WWC1: variants seen among roughly 807,000 people sequenced by gnomAD.
WWC1 encodes WW and C2 domain containing 1, also known as protein KIBRA.
Under a neutral mutation model 138.4 loss-of-function variants are expected in WWC1, and 55 were observed. The ratio of observed to expected loss-of-function variants is 0.40; its 90% CI spans 0.32 to 0.50. The LOEUF (loss-of-function observed/expected upper bound fraction) is 0.50. WWC1 is among the 20% of genes least tolerant of loss of function. The pLI is 0.72. For missense variants in WWC1, 1,226 were observed against 1,420.4 expected, an observed-to-expected ratio of 0.86 and a Z score of 2.20; for synonymous variants, 524 against 564.9, an observed-to-expected ratio of 0.93 and a Z score of 1.03.
At chr5:168,302,078 A>G (rs1305502161) in intron 1 of WWC1, among the ~76,000 whole-genome samples, 1 of 152,212 alleles carries the variant, frequency 6.6e-6, no homozygotes, top group Admixed American at 6.5e-5. Flanking sequence ...AATCAGGGTA[A>G]TGAATTGCAG....
intron 1 of WWC1, among the ~76,000 whole-genome samples, chr5:168,361,413 C>A (rs1472015419): frequency 6.6e-6 from 1 of 152,184 alleles, no homozygotes; most frequent in Admixed American, 6.5e-5. Context: ...GAGCCCACCT[C>A]CCAACCTCGT....
At chr5:168,386,720 G>C (rs866272622) in intron 3 of WWC1, among the ~76,000 whole-genome samples, 9 of 151,166 alleles carry the variant, frequency 6.0e-5, no homozygotes, top group African/African-American at 2.2e-4. Flanking sequence ...GGAGTGCAGT[G>C]GCACAATCTT....
At position 168,415,862 on chromosome 5, in the gene WWC1, G is replaced by A. The variant is rs541223833; in HGVS notation, c.1184+1272G>A. The A allele has an allele frequency of 9.3e-5, 13 of 139,780 alleles. 1 individual carries two copies. Among genetic ancestry groups the A allele is most frequent in the African/African-American group, 3.5e-4 (13 of 36,852 alleles). 8.7% of individuals were successfully genotyped at this position (139,780 alleles called of 1,614,324 possible). ...TGTGTGTGTGTGTGTGGCATATGTG[G>A]TGTGTGTGTGTTTGGAATATGAGCA... On this transcript the variant is annotated intron_variant, in intron 9 of 22. Transcript: ENST00000265293.
At chr5:168,293,259 G>A (rs979196380) in intron 1 of WWC1, among the ~76,000 whole-genome samples, 1 of 152,198 alleles carries the variant, frequency 6.6e-6, no homozygotes, top group Non-Finnish European at 1.5e-5. Context: ...GGACCACGAT[G>A]TTGTTGACAC....
chr5:168,397,827 G>A, intron 4 of WWC1, 27 bp downstream of exon 4: 1 of 1,613,300 alleles, frequency 6.2e-7, no homozygotes, highest in South Asian at 1.1e-5. Flanking sequence ...TATGCTATGT[G>A]CTAGTGATTG....
chr5:168,339,001 G>A (rs1773746112), intron 1 of WWC1, among the ~76,000 whole-genome samples: 1 of 152,156 alleles, frequency 6.6e-6, no homozygotes, highest in Non-Finnish European at 1.5e-5. Flanking sequence ...AATGAGAAAT[G>A]TTTGAGATAA....
intron 15 of WWC1, among the ~76,000 whole-genome samples, chr5:168,439,384 G>A (rs1754541509): frequency 6.6e-6 from 1 of 151,910 alleles, no homozygotes; most frequent in African/African-American, 2.4e-5. Context: ...CAGCACTTTG[G>A]GAGGCTGAGG....
chr5:168,331,308 A>G (rs984812328), intron 1 of WWC1, among the ~76,000 whole-genome samples: 1 of 152,240 alleles, frequency 6.6e-6, no homozygotes, highest in African/African-American at 2.4e-5. Context: ...ACTCCCATCA[A>G]CTAGAGTTTT....
At chr5:168,379,463 G>A (rs1363414918) in intron 2 of WWC1, among the ~76,000 whole-genome samples, 1 of 152,058 alleles carries the variant, frequency 6.6e-6, no homozygotes, top group Non-Finnish European at 1.5e-5. Flanking sequence ...GCAATGGCGC[G>A]ATCTTGGCTC....
intron 1 of WWC1, among the ~76,000 whole-genome samples, chr5:168,314,723 G>C (rs1395940674): frequency 6.6e-6 from 1 of 152,214 alleles, no homozygotes; most frequent in Non-Finnish European, 1.5e-5. Flanking sequence ...TGGGAAGCCA[G>C]AGGTGGGCTC....
At chr5:168,302,195 T>TG (rs1193987866) in intron 1 of WWC1, among the ~76,000 whole-genome samples, 1 of 152,188 alleles carries the variant, frequency 6.6e-6, no homozygotes, top group African/African-American at 2.4e-5. Flanking sequence ...CCTTTTGCGC[T>TG]GTTTGAGAGC....
rs1205518385 is a variant in WWC1, at chr5:168,361,661, G to T, written c.120-9763G>T. Among the ~76,000 whole-genome samples, 3 of 152,314 alleles carry T rather than the reference G, an allele frequency of 2.0e-5. No homozygotes were observed. The East Asian group carries it at 5.8e-4, about 29-fold the overall frequency. On this transcript the variant is annotated intron_variant, in intron 1 of 22. Transcript: ENST00000265293. ...GTCCCCAGGTCCCCTGGGTCCTTGG[G>T]TGGCTCCAGGCAAGTCTTTTATCTC...
At chr5:168,388,539 G>A (rs889301696) in intron 3 of WWC1, among the ~76,000 whole-genome samples, 5 of 152,036 alleles carry the variant, frequency 3.3e-5, no homozygotes, top group African/African-American at 1.2e-4. Flanking sequence ...AAGAAAATAG[G>A]AAAAACTCAG....
intron 1 of WWC1, among the ~76,000 whole-genome samples, chr5:168,315,219 G>A (rs1349734991): frequency 6.6e-6 from 1 of 150,610 alleles, no homozygotes; most frequent in Non-Finnish European, 1.5e-5. Flanking sequence ...CTTTCTCAGA[G>A]TGTGGTCCAC....
intron 1 of WWC1, among the ~76,000 whole-genome samples, chr5:168,330,384 C>T (rs1441017890): frequency 6.6e-6 from 1 of 152,154 alleles, no homozygotes; most frequent in African/African-American, 2.4e-5. Context: ...AGTTGTGTAA[C>T]TTAGGCAAAG....
At chr5:168,403,059 TTTCTTTCTTTCTTTC>T (rs1779475841) in intron 5 of WWC1, among the ~76,000 whole-genome samples, 1 of 129,602 alleles carries the variant, frequency 7.7e-6, no homozygotes, top group Non-Finnish European at 1.6e-5. Context: ...TCTTTCTTTC[TTTCTTTCTTTCTTTC>T]TTTCTTTTCT....
chr5:168,426,669 G>A (rs1305731978), intron 11 of WWC1, among the ~76,000 whole-genome samples: 2 of 152,224 alleles, frequency 1.3e-5, no homozygotes, highest in Non-Finnish European at 2.9e-5. Context: ...CAGCAGGCAT[G>A]GGACGCAGGC....
intron 1 of WWC1, among the ~76,000 whole-genome samples, chr5:168,338,674 G>T (rs960192165): frequency 6.6e-6 from 1 of 152,142 alleles, no homozygotes; most frequent in Non-Finnish European, 1.5e-5. Flanking sequence ...CCCCCAAAGT[G>T]CTGGGATGCT....
chr5:168,358,604 CTG>C (rs1775634877), intron 1 of WWC1, among the ~76,000 whole-genome samples: 1 of 152,222 alleles, frequency 6.6e-6, no homozygotes, highest in Non-Finnish European at 1.5e-5. Context: ...GTTAACCTCT[CTG>C]TGCCTCAGTT....
Sources: allele counts gnomAD v4.1 joint callset (sites outside exome capture counted in the v4.1 genomes callset), GRCh38; gene constraint gnomAD v4.1.1; transcripts MANE v1.5; gene names NCBI Gene and HGNC (gene_info 2026-07-23, HGNC 2026-07-21).